The following PRELID2 variants were observed in gnomAD, a reference collection of about 807,000 sequenced individuals.
PRELID2 encodes PRELI domain containing 2.
A neutral mutation model predicts 28.4 loss-of-function variants in PRELID2; 25 were observed. The ratio of observed to expected loss-of-function variants is 0.88; its 90% confidence interval spans 0.64 to 1.23. The LOEUF (loss-of-function observed/expected upper bound fraction) is 1.23, where lower values mean the gene tolerates loss of function less well. Ranked by LOEUF, PRELID2 falls within the 50% of genes most tolerant of loss-of-function variation. The probability of loss-of-function intolerance (pLI) is 0.00; values close to 1 mark genes in which losing one functional copy is unlikely to be tolerated. For missense variants in PRELID2, 201 were observed against 214.4 expected, an observed-to-expected ratio of 0.94 and a Z score of 0.39; for synonymous variants, 76 against 71.6, an observed-to-expected ratio of 1.06 and a Z score of -0.31.
intron 5 of PRELID2, among the ~76,000 whole-genome samples, chr5:145,787,687 G>A (rs1268995032): frequency 6.6e-6 from 1 of 151,926 alleles, no homozygotes; most frequent in Non-Finnish European, 1.5e-5. Flanking sequence ...TTATAGGCAT[G>A]CAACAACATG....
chr5:145,326,888 A>G, the PRELID2 span, among the ~76,000 whole-genome samples: 1 of 152,162 alleles, frequency 6.6e-6, no homozygotes, highest in Non-Finnish European at 1.5e-5. Flanking sequence ...CTGTTTTTCT[A>G]AGAGCATAAA....
intron 1 of PRELID2, among the ~76,000 whole-genome samples, chr5:145,491,944 T>C (rs1164416042): frequency 6.6e-6 from 1 of 152,194 alleles, no homozygotes; most frequent in African/African-American, 2.4e-5. Flanking sequence ...CGTTCATCTG[T>C]TGATGGACCC....
the PRELID2 span, among the ~76,000 whole-genome samples, chr5:145,380,198 A>G: frequency 6.6e-6 from 1 of 152,202 alleles, no homozygotes; most frequent in African/African-American, 2.4e-5. Context: ...GCCCATGGCA[A>G]CAGTGGGTTG....
At chr5:145,401,734 G>C in the PRELID2 span, among the ~76,000 whole-genome samples, 1 of 152,082 alleles carries the variant, frequency 6.6e-6, no homozygotes, top group Admixed American at 6.6e-5. Flanking sequence ...ATCTAAAGTA[G>C]CAATTTGTGT....
At chr5:145,578,470 T>C (rs1753081155) in intron 1 of PRELID2, among the ~76,000 whole-genome samples, 1 of 151,974 alleles carries the variant, frequency 6.6e-6, no homozygotes, top group South Asian at 2.1e-4. Flanking sequence ...AAGGTAAATA[T>C]GGCCATTTTT....
the PRELID2 span, among the ~76,000 whole-genome samples, chr5:145,324,128 G>A: frequency 6.6e-6 from 1 of 152,148 alleles, no homozygotes; most frequent in African/African-American, 2.4e-5. Context: ...CGGACTAATG[G>A]GGAAATCAGA....
chr5:145,263,854 CA>C, the PRELID2 span, among the ~76,000 whole-genome samples: 5,981 of 123,082 alleles, frequency 0.049, 342 homozygotes, highest in African/African-American at 0.15. Context: ...AAAAAGTTAC[CA>C]AAAAAAAAAA....
At chr5:145,575,816 G>A (rs1480928845) in intron 1 of PRELID2, among the ~76,000 whole-genome samples, 1 of 152,136 alleles carries the variant, frequency 6.6e-6, no homozygotes, top group Non-Finnish European at 1.5e-5. Context: ...ACTGCCGGCA[G>A]TAATTAGTCA....
At chr5:145,507,412 G>A (rs1319065897) in intron 1 of PRELID2, among the ~76,000 whole-genome samples, 1 of 152,156 alleles carries the variant, frequency 6.6e-6, no homozygotes, top group African/African-American at 2.4e-5. Context: ...CCCTGAAGTT[G>A]GAGAGAGTAG....
At chr5:145,644,880 C>A (rs1754170760) in intron 1 of PRELID2, among the ~76,000 whole-genome samples, 1 of 152,068 alleles carries the variant, frequency 6.6e-6, no homozygotes, top group Non-Finnish European at 1.5e-5. Flanking sequence ...GTCTGAGAGA[C>A]TGTTTGTTAT....
chr5:145,647,835 A>G (rs1441740251), intron 1 of PRELID2, among the ~76,000 whole-genome samples: 1 of 152,072 alleles, frequency 6.6e-6, no homozygotes. Context: ...GCGATTCCCC[A>G]CCCTACTTTG....
At chr5:145,598,800 A>G (rs941307605) in intron 1 of PRELID2, among the ~76,000 whole-genome samples, 2 of 152,216 alleles carry the variant, frequency 1.3e-5, no homozygotes, top group African/African-American at 2.4e-5. Context: ...ACAATTTGTA[A>G]TAAGTGTTAT....
intron 1 of PRELID2, among the ~76,000 whole-genome samples, chr5:145,510,192 G>T (rs1752449129): frequency 6.6e-6 from 1 of 152,160 alleles, no homozygotes; most frequent in Non-Finnish European, 1.5e-5. Flanking sequence ...CCATAAAAAA[G>T]AATGCTGTTG....
At chr5:145,827,581 A>T (rs1198376805) in intron 1 of PRELID2, among the ~76,000 whole-genome samples, 2 of 152,192 alleles carry the variant, frequency 1.3e-5, no homozygotes, top group Non-Finnish European at 2.9e-5. Context: ...CCAACAGCAC[A>T]TCAGCCTCTT....
At chr5:145,270,657 C>A in the PRELID2 span, among the ~76,000 whole-genome samples, 4 of 152,032 alleles carry the variant, frequency 2.6e-5, no homozygotes, top group Non-Finnish European at 5.9e-5. Context: ...TTCTTGTAAA[C>A]TGTTTTCTAG....
chr5:145,671,828 TATC>T (rs1206434803), intron 1 of PRELID2, among the ~76,000 whole-genome samples: 4 of 152,170 alleles, frequency 2.6e-5, no homozygotes, highest in Admixed American at 2.6e-4. Context: ...GAAATCTAGT[TATC>T]ATACCAAGAA....
rs574770012 is a variant in PRELID2, at chr5:145,620,997, C to T, written n.70+143934G>A. On this transcript the variant is annotated intron_variant and non_coding_transcript_variant, in intron 1 of 2. Transcript: ENST00000510259. ...TAATTGTCAGCCTAAAGAAGAGTTG[C>T]ATACCAGAAAAACTAACTGCCAAAA... Among the ~76,000 whole-genome samples, 5 of 152,076 alleles carry T rather than the reference C, an allele frequency of 3.3e-5. No homozygotes were observed. The South Asian group carries it at 1.0e-3, about 32-fold the overall frequency.
At chr5:145,290,791 A>G in the PRELID2 span, among the ~76,000 whole-genome samples, 12 of 151,976 alleles carry the variant, frequency 7.9e-5, no homozygotes, top group Non-Finnish European at 1.3e-4. Context: ...TTTGGGATAC[A>G]ATATGTAATC....
the PRELID2 span, among the ~76,000 whole-genome samples, chr5:145,334,975 C>A: frequency 1.2e-4 from 18 of 151,806 alleles, no homozygotes; most frequent in African/African-American, 3.4e-4. Flanking sequence ...GGGTTGGGGA[C>A]CTTTGAGGTA....
Sources: gnomAD v4.1 joint callset for allele counts (sites outside exome capture counted in the v4.1 genomes callset) on GRCh38, gnomAD v4.1.1 for gene constraint, MANE v1.5 for transcripts, NCBI Gene and HGNC (gene_info 2026-07-23, HGNC 2026-07-21) for gene names.